The following IFT74 variants were observed in gnomAD, a reference collection of about 807,000 sequenced individuals.
IFT74 encodes the protein intraflagellar transport protein 74 homolog.
IFT74 carries 92 observed loss-of-function variants against 96.7 expected under a neutral mutation model. That is an observed-to-expected ratio of 0.95 (90% CI 0.80 to 1.13). The LOEUF (loss-of-function observed/expected upper bound fraction) is 1.13, where lower values mean the gene tolerates loss of function less well. Among genes scored for constraint, IFT74 ranks in the 50% most tolerant of loss-of-function variants. The pLI is 0.00. For missense variants in IFT74, 811 were observed against 698.2 expected (o/e 1.16, Z -1.82); for synonymous variants, 223 against 213.2 (o/e 1.05, Z -0.40).
chr9:27,026,418 G>A (rs952196512), intron 12 of IFT74, among the ~76,000 whole-genome samples: 4 of 151,884 alleles, frequency 2.6e-5, no homozygotes, highest in Non-Finnish European at 5.9e-5. Flanking sequence ...AGCACTAGAC[G>A]GGTCAGAAAG....
At chr9:26,962,179 T>C (rs1019939747) in intron 2 of IFT74, 92 bp downstream of exon 2, 20 of 1,254,250 alleles carry the variant, frequency 1.6e-5, no homozygotes, top group Non-Finnish European at 2.3e-5. Flanking sequence ...ACTCTGATCA[T>C]GCCACTGCAC....
intron 2 of IFT74, among the ~76,000 whole-genome samples, chr9:26,975,780 T>C (rs574790339): frequency 3.3e-5 from 5 of 152,318 alleles, no homozygotes; most frequent in African/African-American, 1.2e-4. Flanking sequence ...TCCATAGGCA[T>C]TGTTAAGGCT....
intron 12 of IFT74, among the ~76,000 whole-genome samples, chr9:27,019,655 A>G (rs896382743): frequency 1.3e-5 from 2 of 151,844 alleles, no homozygotes; most frequent in African/African-American, 4.8e-5. Flanking sequence ...TTGTATGGAT[A>G]TACCATATTT....
At chr9:27,003,015 A>G (rs1210618724) in intron 8 of IFT74, among the ~76,000 whole-genome samples, 1 of 152,062 alleles carries the variant, frequency 6.6e-6, no homozygotes, top group African/African-American at 2.4e-5. Flanking sequence ...CATTGGTTAA[A>G]TTGATTCCAA....
intron 8 of IFT74, among the ~76,000 whole-genome samples, chr9:27,000,271 T>G (rs1399538649): frequency 6.6e-6 from 1 of 152,206 alleles, no homozygotes; most frequent in Non-Finnish European, 1.5e-5. Flanking sequence ...TGAAAGGAGC[T>G]TTAAAGCAAT....
intron 18 of IFT74, among the ~76,000 whole-genome samples, chr9:27,057,977 C>T (rs1051024940): frequency 3.3e-5 from 5 of 152,114 alleles, no homozygotes; most frequent in Admixed American, 6.5e-5. Context: ...CATTTTGGTG[C>T]CATATCCTTG....
At chr9:27,014,565 C>T (rs1563975808) in intron 10 of IFT74, among the ~76,000 whole-genome samples, 1 of 152,108 alleles carries the variant, frequency 6.6e-6, no homozygotes, top group African/African-American at 2.4e-5. Flanking sequence ...ATTAAGATAA[C>T]ATGTCACTAA....
intron 1 of IFT74, among the ~76,000 whole-genome samples, chr9:26,950,505 C>G (rs1757280582): frequency 2.0e-5 from 3 of 151,828 alleles, no homozygotes; most frequent in Non-Finnish European, 1.5e-5. Flanking sequence ...AACTATAAAC[C>G]AAATTCCTGG....
chr9:27,010,144 C>T (rs985718395), intron 9 of IFT74, among the ~76,000 whole-genome samples: 1 of 151,934 alleles, frequency 6.6e-6, no homozygotes, highest in Non-Finnish European at 1.5e-5. Flanking sequence ...CCCGCCACCA[C>T]GCCCGGCTGA....
At chr9:27,015,700 G>T (rs148911765) in intron 10 of IFT74, among the ~76,000 whole-genome samples, 2 of 152,140 alleles carry the variant, frequency 1.3e-5, no homozygotes, top group African/African-American at 2.4e-5. Flanking sequence ...TTGTAGGTCC[G>T]GTTTCAAATG....
intron 17 of IFT74, 22 bp from the exon 18 acceptor site, chr9:27,056,312 A>C: frequency 6.6e-7 from 1 of 1,506,390 alleles, no homozygotes; most frequent in Non-Finnish European, 9.0e-7. Flanking sequence ...ATAACCTGTC[A>C]CTTCTATTTG....
At chr9:27,051,547 A>T (rs1819924442) in intron 16 of IFT74, among the ~76,000 whole-genome samples, 1 of 152,202 alleles carries the variant, frequency 6.6e-6, no homozygotes, top group Non-Finnish European at 1.5e-5. Context: ...CTTGCAGAAC[A>T]AAAACACTTT....
chr9:27,002,181 G>C (rs947942957), intron 8 of IFT74, among the ~76,000 whole-genome samples: 3 of 152,102 alleles, frequency 2.0e-5, no homozygotes, highest in African/African-American at 7.2e-5. Context: ...GCCCAGGCTG[G>C]AGTGCAGTGA....
At position 27,047,287 on chromosome 9, in the gene IFT74, T is replaced by G. The variant is rs1470592915; in HGVS notation, c.1122T>G (p.Thr374=). ...REEHMDTFIE[T]FEETKNQELK... is the part of the protein sequence containing the mutation. The stretch of plus-strand genomic sequence containing the variant: ...TCCAATTGTCAGCTTTTATTGAGAC[T>G]TTTGAGGAAACAAAGAATCAGGAAC... The change falls in exon 15 of 20, where the codon ACT becomes ACG. Residue 374 remains threonine (T), a synonymous_variant. Coordinates refer to ENST00000380062, the MANE Select transcript of IFT74 (RefSeq NM_025103.4). The G allele has an allele frequency of 1.9e-6, 3 of 1,611,184 alleles. No homozygotes were observed. Among genetic ancestry groups the G allele is most frequent in the South Asian group, 2.2e-5 (2 of 90,944 alleles).
In IFT74 at chr9:27,009,170, T is replaced by A; in HGVS notation, c.726+12T>A. ...AGAAACTGTTACAGGTAATACAAAT[T>A]ACTGCTGTGTGCCAAGCATGTATCA... On this transcript the variant is annotated intron_variant, in intron 9 of 19. Transcript: ENST00000380062. 6.2e-7 allele frequency: 1 copy of A among 1,607,534 alleles called. No homozygotes were observed. The highest frequency in any genetic ancestry group is 8.5e-7 in the Non-Finnish European group (1 of 1,176,614).
In IFT74 at chr9:26,975,634, T is replaced by C. The variant is rs1827083064; in HGVS notation, c.121-2494T>C. 2.6e-5 allele frequency among the ~76,000 whole-genome samples: 4 copies of C among 152,206 alleles called. No individual in the cohort carries two copies. The South Asian group carries it at 6.2e-4, about 24-fold the overall frequency. The stretch of plus-strand genomic sequence containing the variant: ...TTCCCATCTTGGAGGTTTGGGATGG[T>C]GTCTAACTGAAATAGGCCTTTCCCT... On this transcript the variant is annotated intron_variant, in intron 2 of 19. Coordinates refer to ENST00000380062, the MANE Select transcript of IFT74 (RefSeq NM_025103.4).
At chr9:27,024,122 C>A (rs940590353) in intron 12 of IFT74, among the ~76,000 whole-genome samples, 1 of 152,194 alleles carries the variant, frequency 6.6e-6, no homozygotes, top group African/African-American at 2.4e-5. Context: ...AAAACAACAG[C>A]TAATTCCACT....
In IFT74 at chr9:26,956,494, G is replaced by T. The variant is rs1167950052; in HGVS notation, c.-42G>T. ...TAAGGCACCCGCGAGCCGGGCAACTGCCCTCCTTCCGCGCCGGCGGAGGTG... is the reference window on the plus strand; with the variant it reads ...TAAGGCACCCGCGAGCCGGGCAACTTCCCTCCTTCCGCGCCGGCGGAGGTG... On this transcript the variant is annotated 5_prime_UTR_variant, in exon 1 of 20. Coordinates refer to ENST00000380062, the MANE Select transcript of IFT74 (RefSeq NM_025103.4). 1 of 152,376 alleles carries T rather than the reference G, an allele frequency of 6.6e-6. No homozygotes were observed. The highest frequency in any genetic ancestry group is 1.5e-5 in the Non-Finnish European group (1 of 68,148). 9.4% of individuals were successfully genotyped at this position (152,376 alleles called of 1,614,324 possible). A position where few individuals can be genotyped will look rare whatever the true frequency, so the allele number is the denominator to read the frequency against.
chr9:26,997,604 G>C, intron 8 of IFT74: 1 of 1,022,632 alleles, frequency 9.8e-7, no homozygotes, highest in Non-Finnish European at 1.4e-6. Flanking sequence ...ATAGTGATGG[G>C]ATTACAGGCA....
Sources: allele counts gnomAD v4.1 joint callset (sites outside exome capture counted in the v4.1 genomes callset), GRCh38; gene constraint gnomAD v4.1.1; transcripts MANE v1.5; gene names NCBI Gene and HGNC (gene_info 2026-07-23, HGNC 2026-07-21).